Variants in DST observed in about 807,000 individuals in gnomAD.
DST encodes bullous pemphigoid antigen.
In DST, 253 loss-of-function variants were observed where a neutral mutation model predicts 875.2. The observed-to-expected ratio is 0.29, with a 90% confidence interval of 0.26 to 0.32. The LOEUF (loss-of-function observed/expected upper bound fraction) is 0.32. Among genes scored for constraint, DST ranks in the 10% least tolerant of loss-of-function variants. DST has a pLI of 1.00. For missense variants in DST, 8,287 were observed against 9,111.6 expected (o/e 0.91, Z 3.68); for synonymous variants, 3,124 against 3,197.1 (o/e 0.98, Z 0.77).
At chr6:56,846,507 T>TCG (rs1277025316) in intron 4 of DST, among the ~76,000 whole-genome samples, 2 of 152,220 alleles carry the variant, frequency 1.3e-5, no homozygotes, top group East Asian at 3.8e-4. Context: ...AAACCCAACT[T>TCG]ACAATATCCT....
At position 56,504,095 on chromosome 6, in the gene DST, C is replaced by T; in HGVS notation, c.19468G>A (p.Val6490Ile). The T allele has an allele frequency of 6.2e-7, 1 of 1,606,112 alleles. No individual in the cohort carries two copies. The highest frequency in any genetic ancestry group is 8.5e-7 in the Non-Finnish European group (1 of 1,176,088). ...AVQYQDGLQA[V>I]FDWVDIAGGK... The stretch of plus-strand genomic sequence containing the variant: ...CCTGCAATATCTACCCAGTCAAATA[C>T]CGCCTGAAAGACACATTCGCCCACG... Residue 6490 changes from valine (V) to isoleucine (I), a missense_variant, in exon 78 of 104, where the codon GTA becomes ATA. Around this residue, in one of 10 missense-constraint regions of DST, gnomAD observed 1,292 missense variants for 1,552.7 expected, o/e 0.83. Coordinates refer to ENST00000680361, the MANE Select transcript of DST (RefSeq NM_001374736.1).
intron 12 of DST, among the ~76,000 whole-genome samples, chr6:56,650,065 G>T (rs542126261): frequency 6.6e-6 from 1 of 152,194 alleles, no homozygotes; most frequent in East Asian, 1.9e-4. Context: ...CCTTTGAAAA[G>T]AAGAACCTGA....
At chr6:56,705,642 A>T (rs989198691) in intron 5 of DST, among the ~76,000 whole-genome samples, 10 of 152,214 alleles carry the variant, frequency 6.6e-5, no homozygotes, top group Non-Finnish European at 1.3e-4. Flanking sequence ...TTTCTTATCA[A>T]ATTTACCAGC....
At chr6:56,908,064 G>A (rs372079015) in intron 2 of DST, among the ~76,000 whole-genome samples, 2 of 148,094 alleles carry the variant, frequency 1.4e-5, no homozygotes, top group Non-Finnish European at 2.9e-5. Context: ...GTGAGACTTC[G>A]TCAAAACAAA....
chr6:56,780,965 C>G (rs1194223008), intron 4 of DST, among the ~76,000 whole-genome samples: 1 of 152,132 alleles, frequency 6.6e-6, no homozygotes, highest in African/African-American at 2.4e-5. Flanking sequence ...TTTCCCAGCA[C>G]CATTTATTAA....
chr6:56,750,916 G>T (rs3002006), intron 4 of DST, among the ~76,000 whole-genome samples: 37,914 of 151,956 alleles, frequency 0.25, 6,470 homozygotes, highest in African/African-American at 0.48. Flanking sequence ...ATATAGCACT[G>T]ACTATATGCC....
At chr6:56,828,329 T>A (rs1174158144) in intron 4 of DST, among the ~76,000 whole-genome samples, 1 of 152,258 alleles carries the variant, frequency 6.6e-6, no homozygotes, top group African/African-American at 2.4e-5. Context: ...TTAGTCTGAA[T>A]ATATTTCTTA....
intron 66 of DST, 27 bp from the exon 67 acceptor site, chr6:56,528,952 TG>T: frequency 3.5e-6 from 5 of 1,442,706 alleles, no homozygotes; most frequent in African/African-American, 1.4e-5. Flanking sequence ...CATTTTTATG[TG>T]GGGGGAAAAA....
At chr6:56,577,608 T>C (rs1293124016) in intron 50 of DST, among the ~76,000 whole-genome samples, 1 of 152,186 alleles carries the variant, frequency 6.6e-6, no homozygotes, top group African/African-American at 2.4e-5. Flanking sequence ...TACACAGTGA[T>C]CTTAAAAGAG....
At chr6:56,769,364 T>A (rs1227446863) in intron 4 of DST, among the ~76,000 whole-genome samples, 2 of 152,208 alleles carry the variant, frequency 1.3e-5, no homozygotes, top group Non-Finnish European at 2.9e-5. Flanking sequence ...ACAATACAGC[T>A]ACTTTGAGTT....
intron 90 of DST, among the ~76,000 whole-genome samples, chr6:56,481,715 T>G (rs1169766109): frequency 6.6e-6 from 1 of 152,232 alleles, no homozygotes; most frequent in Non-Finnish European, 1.5e-5. Flanking sequence ...GGTTTTATTT[T>G]TGAAATCCAC....
chr6:56,464,109 G>A (rs2094465911), intron 100 of DST: 1 of 389,784 alleles, frequency 2.6e-6, no homozygotes, highest in Non-Finnish European at 4.9e-6. Context: ...TGCCCACATG[G>A]TTTCATTACC....
In DST at chr6:56,928,629, G is replaced by A. The variant is rs550243035; in HGVS notation, c.216+25156C>T. On this transcript the variant is annotated intron_variant, in intron 2 of 103. Coordinates refer to ENST00000680361, the MANE Select transcript of DST (RefSeq NM_001374736.1). ...TAAATAAAATGCAAAAGTTGGAAAA[G>A]AGGATATACAATAATCACTATTTGC... 3.9e-5 allele frequency among the ~76,000 whole-genome samples: 6 copies of A among 152,302 alleles called. 1 individual carries two copies. Among genetic ancestry groups the A allele is most frequent in the African/African-American group, 1.4e-4 (6 of 41,558 alleles).
In DST at chr6:56,561,566, C is replaced by A; in HGVS notation, c.14069-17G>T. ...ATGTTAAACCTAGGAGTAAGAAAAA[C>A]AACTATACTGACACATTTTCAGGAC... is the stretch of plus-strand genomic sequence containing the variant. On this transcript the variant is annotated splice_polypyrimidine_tract_variant and intron_variant, in intron 56 of 103. Coordinates refer to ENST00000680361, the MANE Select transcript of DST (RefSeq NM_001374736.1). The A allele has an allele frequency of 1.9e-6, 3 of 1,597,222 alleles. No individual in the cohort carries two copies. Among genetic ancestry groups the A allele is most frequent in the African/African-American group, 2.7e-5 (2 of 74,070 alleles).
intron 3 of DST, among the ~76,000 whole-genome samples, chr6:56,899,350 T>G (rs1296613007): frequency 6.6e-6 from 1 of 152,222 alleles, no homozygotes; most frequent in African/African-American, 2.4e-5. Flanking sequence ...TTTCTAAATA[T>G]GTACTTTTTT....
At chr6:56,824,470 G>A (rs1272392765) in intron 4 of DST, among the ~76,000 whole-genome samples, 6 of 149,472 alleles carry the variant, frequency 4.0e-5, no homozygotes, top group Non-Finnish European at 5.9e-5. Flanking sequence ...GCTGCCCATC[G>A]TCTGGGATGT....
chr6:56,696,947 C>T (rs2099267438), intron 9 of DST, among the ~76,000 whole-genome samples: 1 of 152,054 alleles, frequency 6.6e-6, no homozygotes, highest in African/African-American at 2.4e-5. Context: ...CCTGAAGATC[C>T]CTTCTTTCCG....
chr6:56,486,289 G>A (rs1326023353), intron 87 of DST, among the ~76,000 whole-genome samples: 2 of 150,348 alleles, frequency 1.3e-5, no homozygotes, highest in East Asian at 2.0e-4. Context: ...CGTGAACCCG[G>A]GAGGCAGAGC....
In DST at chr6:56,609,225, C is replaced by T; in HGVS notation, c.5403G>A (p.Gln1801=). Residue 1801 remains glutamine, a synonymous_variant, in exon 40 of 104, where the codon CAG becomes CAA. Coordinates refer to ENST00000680361, the MANE Select transcript of DST (RefSeq NM_001374736.1). ...GTGAAATTAGACCAGAAATCATTAG[C>T]TGTGTCTCAAGCAACCTAATTCCTG... ...YDTGIRLLET[Q]LMISGLISPE... 2 of 1,613,744 alleles carry T rather than the reference C, an allele frequency of 1.2e-6. No homozygotes were observed. The highest frequency in any genetic ancestry group is 1.7e-6 in the Non-Finnish European group (2 of 1,179,708).
Sources: allele counts gnomAD v4.1 joint callset (sites outside exome capture counted in the v4.1 genomes callset), GRCh38; gene constraint gnomAD v4.1.1; regional missense constraint gnomAD v4.1.1; transcripts MANE v1.5; gene names NCBI Gene and HGNC (gene_info 2026-07-23, HGNC 2026-07-21).